XPO7: variants seen among roughly 807,000 people sequenced by gnomAD.
XPO7 encodes exportin 7, also known as exportin-7.
A neutral mutation model predicts 144.3 loss-of-function variants in XPO7; 21 were observed. The ratio of observed to expected loss-of-function variants is 0.15; its 90% CI spans 0.10 to 0.21. The LOEUF (loss-of-function observed/expected upper bound fraction) is 0.21, where lower values mean the gene tolerates loss of function less well. Among genes scored for constraint, XPO7 ranks in the 10% least tolerant of loss-of-function variants. XPO7 has a pLI of 1.00. For missense variants in XPO7, 808 were observed against 1,325.8 expected, an observed-to-expected ratio of 0.61 and a Z score of 6.06; for synonymous variants, 580 against 499.6, an observed-to-expected ratio of 1.16 and a Z score of -2.15.
At chr8:21,982,010 T>A (rs1812423814) in intron 10 of XPO7, 133 bp downstream of exon 10, 2 of 1,189,934 alleles carry the variant, frequency 1.7e-6, no homozygotes, top group East Asian at 4.8e-5. Context: ...TACAGAGTAG[T>A]TACTATTGTG....
intron 16 of XPO7, among the ~76,000 whole-genome samples, chr8:21,989,720 C>T (rs1456549278): frequency 6.6e-6 from 1 of 151,538 alleles, no homozygotes; most frequent in Admixed American, 6.6e-5. Context: ...TCCCTTGGAA[C>T]CCCTGCTGAG....
chr8:21,966,439 T>C, intron 1 of XPO7: 2 of 633,768 alleles, frequency 3.2e-6, no homozygotes, highest in East Asian at 2.8e-5. Context: ...TATGAAAATG[T>C]GTGTGGTACT....
At chr8:21,941,115 A>G (rs1279586639) in intron 1 of XPO7, among the ~76,000 whole-genome samples, 1 of 149,808 alleles carries the variant, frequency 6.7e-6, no homozygotes, top group Non-Finnish European at 1.5e-5. Flanking sequence ...GCATATAACA[A>G]GCGTATCCTC....
At chr8:21,958,730 C>T (rs1471294042) in intron 1 of XPO7, among the ~76,000 whole-genome samples, 6 of 151,604 alleles carry the variant, frequency 4.0e-5, no homozygotes, top group South Asian at 2.1e-4. Flanking sequence ...GAGGCTGAGG[C>T]GGGTGGAATA....
chr8:21,985,869 A>G (rs927406100), intron 13 of XPO7, among the ~76,000 whole-genome samples, 178 bp downstream of exon 13: 4 of 152,258 alleles, frequency 2.6e-5, no homozygotes, highest in Non-Finnish European at 4.4e-5. Context: ...TTTAAAATAA[A>G]AAACCAGCAA....
In XPO7 at chr8:21,959,895, G is replaced by A. The variant is rs145740902; in HGVS notation, c.19-6962G>A. ...GTTAAGACCGGTATCTAACGATCCAGTATCAACCGAACTCTTCTCTGCCTA... is the reference window on the plus strand; with the variant it reads ...GTTAAGACCGGTATCTAACGATCCAATATCAACCGAACTCTTCTCTGCCTA... On this transcript the variant is annotated intron_variant, in intron 1 of 27. Transcript: ENST00000252512. Among the ~76,000 whole-genome samples the A allele has an allele frequency of 2.3e-4, 35 of 152,316 alleles. No individual in the cohort carries two copies. In the East Asian group the frequency reaches 6.6e-3, roughly 29 times the overall value.
intron 1 of XPO7, among the ~76,000 whole-genome samples, chr8:21,920,989 C>T (rs1012406147): frequency 6.6e-6 from 1 of 152,120 alleles, no homozygotes; most frequent in Non-Finnish European, 1.5e-5. Context: ...GGCCAGAGAT[C>T]AGTAAAGTAG....
chr8:22,003,406 A>G (rs775225107), intron 26 of XPO7, 89 bp downstream of exon 26: 10 of 1,011,316 alleles, frequency 9.9e-6, no homozygotes, highest in Non-Finnish European at 1.2e-5. Flanking sequence ...TGTGTATAGA[A>G]ACACCCCACG....
intron 21 of XPO7, among the ~76,000 whole-genome samples, chr8:21,997,849 GGGAGGAA>G (rs1400573906): frequency 6.6e-6 from 1 of 152,052 alleles, no homozygotes; most frequent in East Asian, 1.9e-4. Context: ...TGTGGTGGGG[GGGAGGAA>G]GGAGGAAGGA....
In XPO7 at chr8:21,988,992, T is replaced by C; in HGVS notation, c.1788-11T>C. The stretch of plus-strand genomic sequence containing the variant: ...GGGTCTCCTGCTTTTTTTTTTCTTT[T>C]TGTCCTCCAGCATCACCAACTTGAA... On this transcript the variant is annotated splice_polypyrimidine_tract_variant and intron_variant, in intron 15 of 27. Transcript: ENST00000252512. 1 of 1,611,274 alleles carries C rather than the reference T, an allele frequency of 6.2e-7. No homozygotes were observed. Among genetic ancestry groups the C allele is most frequent in the Non-Finnish European group, 8.5e-7 (1 of 1,179,232 alleles).
At chr8:21,972,367 G>A (rs1000482308) in intron 5 of XPO7, among the ~76,000 whole-genome samples, 1 of 152,028 alleles carries the variant, frequency 6.6e-6, no homozygotes, top group Non-Finnish European at 1.5e-5. Context: ...TAGTCCCAGC[G>A]ACTTGGGAGA....
Position 21,980,461 on chromosome 8 carries a change from T to C in XPO7, c.957+258T>C, listed in dbSNP as rs184365252. 1.1e-4 allele frequency among the ~76,000 whole-genome samples: 16 copies of C among 152,278 alleles called. No homozygotes were observed. The East Asian group carries it at 1.7e-3, about 17-fold the overall frequency. On this transcript the variant is annotated intron_variant, in intron 9 of 27. Transcript: ENST00000252512. ...GAAATAAGGAAGAAGCTAGTCATTT[T>C]TCCCCCCAAGAAGTTAAGACTCTAA... is the stretch of plus-strand genomic sequence containing the variant.
chr8:21,969,279 G>A (rs1217382936), intron 2 of XPO7, among the ~76,000 whole-genome samples: 3 of 150,768 alleles, frequency 2.0e-5, no homozygotes, highest in South Asian at 2.1e-4. Flanking sequence ...TATCTTCCCC[G>A]TTGTTCATTG....
At chr8:21,928,509 T>G (rs1810535701) in intron 1 of XPO7, among the ~76,000 whole-genome samples, 1 of 152,252 alleles carries the variant, frequency 6.6e-6, no homozygotes, top group South Asian at 2.1e-4. Context: ...CTGTCAATTT[T>G]CCAAAATGAC....
intron 12 of XPO7, among the ~76,000 whole-genome samples, 170 bp from the exon 13 acceptor site, chr8:21,985,416 T>C (rs1216438791): frequency 6.6e-6 from 1 of 152,230 alleles, no homozygotes; most frequent in Non-Finnish European, 1.5e-5. Context: ...ACCTAACGAA[T>C]TTCCCTCTTA....
In XPO7 at chr8:21,990,868, T is replaced by C; in HGVS notation, c.1990T>C (p.Cys664Arg). Residue 664 changes from cysteine (C) to arginine (R), a missense_variant, in exon 18 of 28, where the codon TGT becomes CGT. Physicochemically the swap from Cys to Arg is radical, Grantham distance 180. Coordinates refer to ENST00000252512, the MANE Select transcript of XPO7 (RefSeq NM_015024.5). ...TCAGTCCAACCTGACAGACATGCGG[T>C]GTCGGACTACCTTCTACACAGCACT... Reference protein sequence around the residue: ...NNQSNLTDMRCRTTFYTALGR... With the variant: ...NNQSNLTDMRRRTTFYTALGR... 6.2e-7 allele frequency: 1 copy of C among 1,614,030 alleles called. No homozygotes were observed. Among genetic ancestry groups the C allele is most frequent in the Non-Finnish European group, 8.5e-7 (1 of 1,179,892 alleles).
intron 21 of XPO7, 111 bp from the exon 22 acceptor site, chr8:21,998,644 T>C: frequency 1.3e-6 from 1 of 796,312 alleles, no homozygotes; most frequent in Non-Finnish European, 2.0e-6. Context: ...GGCAATTGCT[T>C]ACCTTAATGT....
At chr8:21,919,840 G>A (rs1413145763) in intron 1 of XPO7, 52 bp downstream of exon 1, 1 of 353,686 alleles carries the variant, frequency 2.8e-6, no homozygotes, top group South Asian at 1.3e-4. Context: ...GGCGAGTGGA[G>A]TCGGGGGTGC....
intron 19 of XPO7, among the ~76,000 whole-genome samples, chr8:21,993,790 C>T (rs1051895710): frequency 5.9e-5 from 9 of 151,950 alleles, no homozygotes; most frequent in Non-Finnish European, 1.3e-4. Context: ...CCTTTGTCTT[C>T]CTCCTGGCAG....
Sources: gnomAD v4.1 joint callset for allele counts (sites outside exome capture counted in the v4.1 genomes callset) on GRCh38, gnomAD v4.1.1 for gene constraint, MANE v1.5 for transcripts, NCBI Gene and HGNC (gene_info 2026-07-23, HGNC 2026-07-21) for gene names.